NEGR1: variants seen among roughly 807,000 people sequenced by gnomAD.
The protein encoded by NEGR1 is IgLON family member 4.
A neutral mutation model predicts 40.9 loss-of-function variants in NEGR1; 10 were observed. The observed-to-expected ratio is 0.24, with a 90% confidence interval of 0.15 to 0.42. The LOEUF is 0.42. NEGR1 is among the 10% of genes least tolerant of loss of function. The pLI is 1.00. For missense variants in NEGR1, 352 were observed against 438.9 expected (o/e 0.80, Z 1.77); for synonymous variants, 185 against 166.8 (o/e 1.11, Z -0.84).
intron 1 of NEGR1, among the ~76,000 whole-genome samples, chr1:71,939,874 A>G (rs1274980242): frequency 6.6e-6 from 1 of 152,228 alleles, no homozygotes; most frequent in Non-Finnish European, 1.5e-5. Context: ...TAAGCCTCAC[A>G]TAACCCTATG....
chr1:71,932,086 G>C (rs934808505), intron 2 of NEGR1, among the ~76,000 whole-genome samples: 14 of 151,910 alleles, frequency 9.2e-5, no homozygotes, highest in African/African-American at 3.4e-4. Context: ...TAAATACATA[G>C]GTTGCTCAGC....
At chr1:72,159,281 G>A (rs766654444) in intron 1 of NEGR1, among the ~76,000 whole-genome samples, 17 of 152,044 alleles carry the variant, frequency 1.1e-4, no homozygotes, top group Admixed American at 3.3e-4. Context: ...CTCTATCCTC[G>A]TAAGTTAGTA....
At chr1:72,271,940 C>T (rs181847199) in intron 1 of NEGR1, among the ~76,000 whole-genome samples, 3 of 151,908 alleles carry the variant, frequency 2.0e-5, no homozygotes, top group South Asian at 4.1e-4. Context: ...TTTTTGCCTC[C>T]TGCCATGATT....
chr1:71,822,870 A>T (rs1658481636), intron 2 of NEGR1, among the ~76,000 whole-genome samples: 1 of 152,134 alleles, frequency 6.6e-6, no homozygotes, highest in Non-Finnish European at 1.5e-5. Context: ...GTTGTATTGC[A>T]CACTAAATCC....
chr1:71,717,056 G>T (rs577600168), intron 3 of NEGR1, among the ~76,000 whole-genome samples: 1 of 152,224 alleles, frequency 6.6e-6, no homozygotes, highest in South Asian at 2.1e-4. Context: ...TTCCAGCTAG[G>T]TTCTGTTCTG....
chr1:71,956,883 C>G (rs1316632716), intron 1 of NEGR1, among the ~76,000 whole-genome samples: 1 of 152,106 alleles, frequency 6.6e-6, no homozygotes, highest in Non-Finnish European at 1.5e-5. Context: ...GTTCCCTTAT[C>G]TGTAAAACAG....
intron 1 of NEGR1, among the ~76,000 whole-genome samples, chr1:72,280,376 G>T (rs909594666): frequency 1.9e-4 from 29 of 152,168 alleles, no homozygotes; most frequent in Non-Finnish European, 4.4e-5. Context: ...CTTTAGGGTG[G>T]AAATGGTAAT....
At chr1:71,966,681 G>A (rs1646212327) in intron 1 of NEGR1, among the ~76,000 whole-genome samples, 1 of 152,144 alleles carries the variant, frequency 6.6e-6, no homozygotes, top group Non-Finnish European at 1.5e-5. Context: ...AATTTTCAGT[G>A]AAACAAAGGC....
chr1:71,994,543 C>CAAAAA (rs200106023), intron 1 of NEGR1, among the ~76,000 whole-genome samples: 1 of 71,590 alleles, frequency 1.4e-5, no homozygotes, highest in African/African-American at 6.9e-5. Context: ...CAAAACAAAA[C>CAAAAA]AAACAAAAAA....
At chr1:71,765,902 G>A (rs1656104931) in intron 3 of NEGR1, among the ~76,000 whole-genome samples, 2 of 151,990 alleles carry the variant, frequency 1.3e-5, no homozygotes. Flanking sequence ...CTGGCCAGGC[G>A]CGGTGGCTCA....
chr1:72,216,386 T>TATATATATATATACATATATAC (rs775495595), intron 1 of NEGR1, among the ~76,000 whole-genome samples: 9 of 36,176 alleles, frequency 2.5e-4, no homozygotes, highest in African/African-American at 2.2e-3. Flanking sequence ...TATATATACA[T>TATATATATATATACATATATAC]ATATATATAT....
intron 6 of NEGR1, among the ~76,000 whole-genome samples, chr1:71,564,234 A>G (rs997685593): frequency 2.6e-5 from 4 of 152,044 alleles, no homozygotes; most frequent in Non-Finnish European, 4.4e-5. Context: ...TAGGATGAGT[A>G]GCCCCTTGCT....
intron 6 of NEGR1, among the ~76,000 whole-genome samples, chr1:71,435,004 T>C (rs924393577): frequency 2.0e-5 from 3 of 152,010 alleles, no homozygotes; most frequent in South Asian, 2.1e-4. Flanking sequence ...GGCAGGAGAA[T>C]GGCGTGAACC....
intron 4 of NEGR1, among the ~76,000 whole-genome samples, chr1:71,686,829 T>A (rs555815962): frequency 2.8e-4 from 42 of 152,304 alleles, no homozygotes; most frequent in African/African-American, 9.4e-4. Flanking sequence ...AGAGACTGCA[T>A]CCTCAAGTGA....
intron 2 of NEGR1, among the ~76,000 whole-genome samples, chr1:71,918,302 GT>G (rs1661661848): frequency 7.3e-6 from 1 of 137,398 alleles, no homozygotes; most frequent in Non-Finnish European, 1.5e-5. Context: ...TGTATGAACT[GT>G]GAGCTCAAAA....
At position 72,274,937 on chromosome 1, in the gene NEGR1, T is replaced by C. The variant is rs1655986872; in HGVS notation, c.176+7382A>G. 5 of 1,550,842 alleles carry C rather than the reference T, an allele frequency of 3.2e-6. No homozygotes were observed. The Admixed American group carries it at 8.4e-5, about 26-fold the overall frequency. Reference sequence around the variant, plus strand: ...AAGTCAGATATCTACGTCTGCATGATCTCCTTTGCGCACGATGTAGCAGCA... The same window carrying C: ...AAGTCAGATATCTACGTCTGCATGACCTCCTTTGCGCACGATGTAGCAGCA... On this transcript the variant is annotated intron_variant, in intron 1 of 6. Coordinates refer to ENST00000357731, the MANE Select transcript of NEGR1 (RefSeq NM_173808.3).
At chr1:71,661,624 G>A (rs558664477) in intron 4 of NEGR1, among the ~76,000 whole-genome samples, 19 of 152,154 alleles carry the variant, frequency 1.2e-4, no homozygotes, top group South Asian at 6.2e-4. Context: ...TATGACCCCC[G>A]TTACAAATAA....
chr1:71,909,606 T>A (rs1661369067), intron 2 of NEGR1, among the ~76,000 whole-genome samples: 1 of 152,214 alleles, frequency 6.6e-6, no homozygotes, highest in African/African-American at 2.4e-5. Flanking sequence ...ACCCACAATT[T>A]AAAAGAGTAA....
intron 1 of NEGR1, among the ~76,000 whole-genome samples, chr1:72,231,627 G>A (rs965585721): frequency 6.6e-6 from 1 of 152,026 alleles, no homozygotes; most frequent in Non-Finnish European, 1.5e-5. Context: ...TTTCCCCAAT[G>A]ACTTTGTAAT....
Sources: gnomAD v4.1 joint callset for allele counts (sites outside exome capture counted in the v4.1 genomes callset) on GRCh38, gnomAD v4.1.1 for gene constraint, MANE v1.5 for transcripts, NCBI Gene and HGNC (gene_info 2026-07-23, HGNC 2026-07-21) for gene names.